Variants in HEATR5B observed in about 807,000 individuals in gnomAD.
HEATR5B encodes HEAT repeat-containing protein 5B.
HEATR5B carries 156 observed loss-of-function variants against 224.1 expected under a neutral mutation model. The ratio of observed to expected loss-of-function variants is 0.70; its 90% CI spans 0.61 to 0.80. The LOEUF is 0.80. HEATR5B is among the 30% of genes least tolerant of loss of function. The pLI, the probability that HEATR5B is intolerant of heterozygous loss-of-function variation, is 0.00. For synonymous variants in HEATR5B, 1,027 were observed against 893.0 expected (o/e 1.15, Z -2.68); for missense variants, 2,323 against 2,535.5 (o/e 0.92, Z 1.80).
At chr2:37,037,828 C>G (rs774767209) in intron 21 of HEATR5B, 27 bp downstream of exon 21, 1 of 1,419,752 alleles carries the variant, frequency 7.0e-7, no homozygotes, top group Non-Finnish European at 9.3e-7. Context: ...ACTTAAAAAT[C>G]AATGAATGAA....
intron 34 of HEATR5B, 74 bp from the exon 35 acceptor site, chr2:36,988,933 CTATG>C: frequency 9.0e-7 from 1 of 1,108,662 alleles, no homozygotes; most frequent in Non-Finnish European, 1.3e-6. Flanking sequence ...TTGCATCTTA[CTATG>C]TACTGAAAAT....
intron 29 of HEATR5B, among the ~76,000 whole-genome samples, chr2:37,006,216 T>C (rs1277138768): frequency 6.6e-6 from 1 of 152,222 alleles, no homozygotes; most frequent in African/African-American, 2.4e-5. Flanking sequence ...AGTCATTGTT[T>C]TGGAAGTTTT....
At chr2:37,038,636 G>C (rs1669666833) in intron 20 of HEATR5B, among the ~76,000 whole-genome samples, 1 of 152,160 alleles carries the variant, frequency 6.6e-6, no homozygotes, top group Admixed American at 6.5e-5. Flanking sequence ...CTTTCCCAAA[G>C]AGGACAATGG....
chr2:37,028,243 A>T, intron 23 of HEATR5B, 69 bp from the exon 24 acceptor site: 3 of 970,228 alleles, frequency 3.1e-6, no homozygotes, highest in Non-Finnish European at 4.2e-6. Flanking sequence ...AAAGTTATTA[A>T]TATTAAAATT....
chr2:37,070,612 A>G (rs1671848496), intron 6 of HEATR5B, among the ~76,000 whole-genome samples: 1 of 152,232 alleles, frequency 6.6e-6, no homozygotes, highest in Non-Finnish European at 1.5e-5. Context: ...GCAATTCAAT[A>G]AATCTACGCA....
intron 7 of HEATR5B, among the ~76,000 whole-genome samples, chr2:37,069,641 A>G (rs1671787185): frequency 6.6e-6 from 1 of 152,178 alleles, no homozygotes; most frequent in Non-Finnish European, 1.5e-5. Context: ...GAGTTACTTT[A>G]TATCTGATTT....
chr2:37,065,244 A>T (rs572599353), intron 9 of HEATR5B, among the ~76,000 whole-genome samples: 13 of 152,276 alleles, frequency 8.5e-5, no homozygotes, highest in Non-Finnish European at 1.2e-4. Flanking sequence ...CAATTTTTAT[A>T]AAAAAACTAC....
chr2:37,032,906 G>A (rs1223299062), intron 21 of HEATR5B, 133 bp from the exon 22 acceptor site: 6 of 756,972 alleles, frequency 7.9e-6, no homozygotes, highest in African/African-American at 5.5e-5. Context: ...TTGAGACAGA[G>A]TTTTGCTCTT....
rs1467682545 is a variant in HEATR5B at position 37,019,053 on chromosome 2, G to T, written c.4104+756C>A. ...CGGGCACCTAATCCCAGCTACTCAG[G>T]AGGCCGAGGCAGAAGAATTGCTTGA... is the stretch of plus-strand genomic sequence containing the variant. On this transcript the variant is annotated intron_variant, in intron 26 of 35. Coordinates refer to ENST00000233099, the MANE Select transcript of HEATR5B (RefSeq NM_019024.3). Among the ~76,000 whole-genome samples the T allele has an allele frequency of 2.0e-5, 3 of 151,944 alleles. No homozygotes were observed. The East Asian group carries it at 5.8e-4, about 29-fold the overall frequency.
At chr2:37,083,197 A>G in intron 2 of HEATR5B, 92 bp downstream of exon 2, 1 of 1,452,856 alleles carries the variant, frequency 6.9e-7, no homozygotes, top group Non-Finnish European at 9.6e-7. Context: ...TGACCCATAA[A>G]CCTTCCAAAA....
chr2:37,055,260 C>T (rs978449290), intron 16 of HEATR5B, among the ~76,000 whole-genome samples: 2 of 151,866 alleles, frequency 1.3e-5, no homozygotes, highest in African/African-American at 4.8e-5. Context: ...ACTTATCCTC[C>T]TACTGTTGAA....
At chr2:37,053,837 G>T (rs1008507189) in intron 16 of HEATR5B, among the ~76,000 whole-genome samples, 1 of 151,460 alleles carries the variant, frequency 6.6e-6, no homozygotes, top group African/African-American at 2.4e-5. Flanking sequence ...ACAAAATAAG[G>T]TCACAATTGC....
At position 37,072,318 on chromosome 2, in the gene HEATR5B, A is replaced by G. The variant is rs572558274; in HGVS notation, c.598-37T>C. The G allele has an allele frequency of 7.6e-6, 11 of 1,439,842 alleles. No individual in the cohort carries two copies. In the Admixed American group the frequency reaches 8.9e-5, roughly 12 times the overall value. 89.2% of individuals were successfully genotyped at this position (1,439,842 alleles called of 1,614,324 possible). On this transcript the variant is annotated intron_variant, in intron 5 of 35. Coordinates refer to ENST00000233099, the MANE Select transcript of HEATR5B (RefSeq NM_019024.3). The stretch of plus-strand genomic sequence containing the variant: ...AACAAAAAAGTAAATAACATCCTAT[A>G]ACATCTGCTTCCAGAGATGGAATAG...
intron 28 of HEATR5B, 29 bp downstream of exon 28, chr2:37,008,582 A>G (rs1234275523): frequency 1.3e-6 from 2 of 1,492,622 alleles, no homozygotes; most frequent in East Asian, 2.3e-5. Context: ...TGAACTCCAT[A>G]AAAGTAAAAC....
chr2:36,994,163 T>C (rs980874860), intron 33 of HEATR5B, among the ~76,000 whole-genome samples: 7 of 152,172 alleles, frequency 4.6e-5, no homozygotes, highest in African/African-American at 1.7e-4. Flanking sequence ...AATAATGATA[T>C]GTGGATTATA....
At chr2:37,026,678 C>A (rs1045936123) in intron 24 of HEATR5B, among the ~76,000 whole-genome samples, 10 of 152,124 alleles carry the variant, frequency 6.6e-5, no homozygotes, top group Admixed American at 4.6e-4. Flanking sequence ...TACCAAAAAA[C>A]AGGATGCAGT....
chr2:37,038,526 T>C (rs1389839019), intron 20 of HEATR5B, among the ~76,000 whole-genome samples: 1 of 152,212 alleles, frequency 6.6e-6, no homozygotes, highest in Non-Finnish European at 1.5e-5. Flanking sequence ...GCCTTATCAT[T>C]ATCACTTTTG....
intron 33 of HEATR5B, among the ~76,000 whole-genome samples, chr2:36,999,986 T>G (rs921457498): frequency 1.3e-5 from 2 of 151,794 alleles, no homozygotes; most frequent in African/African-American, 4.8e-5. Flanking sequence ...CACTACAGTC[T>G]GGGTGACGGA....
At chr2:37,004,668 CTTTT>C (rs1667299277) in intron 30 of HEATR5B, among the ~76,000 whole-genome samples, 1 of 152,056 alleles carries the variant, frequency 6.6e-6, no homozygotes, top group Admixed American at 6.6e-5. Context: ...TCGATTCTTT[CTTTT>C]GAGACTCTGT....
Sources: allele counts gnomAD v4.1 joint callset (sites outside exome capture counted in the v4.1 genomes callset), GRCh38; gene constraint gnomAD v4.1.1; transcripts MANE v1.5; gene names NCBI Gene and HGNC (gene_info 2026-07-23, HGNC 2026-07-21).